Variants in MAP3K15 observed in about 807,000 individuals in gnomAD.
MAP3K15 encodes mitogen-activated protein kinase kinase kinase 15, also known as MAPK/ERK kinase kinase 15.
A neutral mutation model predicts 99.5 loss-of-function variants in MAP3K15; 124 were observed. That is an observed-to-expected ratio of 1.25 (90% CI 1.08 to 1.45). The LOEUF (loss-of-function observed/expected upper bound fraction) is 1.45. Among genes scored for constraint, MAP3K15 ranks in the 40% most tolerant of loss-of-function variants. MAP3K15 has a pLI of 0.00. For missense variants in MAP3K15, 1,242 were observed against 1,079.7 expected, an observed-to-expected ratio of 1.15 and a Z score of -2.11; for synonymous variants, 494 against 439.6, an observed-to-expected ratio of 1.12 and a Z score of -1.55.
chrX:19,414,170 G>A (rs888657428), intron 10 of MAP3K15: 4 of 108,228 alleles, frequency 3.7e-5, no homozygotes, highest in Non-Finnish European at 7.7e-5. Context: ...AAAAAGAGGA[G>A]GGGAAGAGAA....
Position 19,454,717 on chromosome X carries a change from C to T in MAP3K15, c.995+2196G>A, listed in dbSNP as rs111880458. On this transcript the variant is annotated intron_variant, in intron 6 of 28. Transcript: ENST00000338883. ...ATCACTATTTTCCCCTTTACAGATA[C>T]AAAGTAATGCCATAAACTCGCTCAA... is the stretch of plus-strand genomic sequence containing the variant. Among the ~76,000 whole-genome samples the T allele has an allele frequency of 6.5e-3, 734 of 112,100 alleles. 11 individuals carry two copies. The highest frequency in any genetic ancestry group is 0.022 in the African/African-American group (682 of 30,839).
At chrX:19,442,594 A>G (rs1228660422) in intron 6 of MAP3K15, among the ~76,000 whole-genome samples, 11 of 104,129 alleles carry the variant, frequency 1.1e-4, no homozygotes, top group African/African-American at 3.5e-4. Context: ...TGCGATCTCG[A>G]CTCACTGCAA....
At chrX:19,490,442 A>G (rs944888420) in intron 1 of MAP3K15, among the ~76,000 whole-genome samples, 3 of 110,849 alleles carry the variant, frequency 2.7e-5, no homozygotes, top group Non-Finnish European at 5.7e-5. Context: ...TCTACCATCA[A>G]CTTAACAACA....
chrX:19,426,818 CAAAAAAAAA>C (rs746106862), intron 7 of MAP3K15, among the ~76,000 whole-genome samples: 163 of 21,153 alleles, frequency 7.7e-3, no homozygotes, highest in African/African-American at 0.032. Context: ...AATCTGTCTC[CAAAAAAAAA>C]AAAAAAAAAA....
intron 7 of MAP3K15, among the ~76,000 whole-genome samples, chrX:19,427,761 G>T (rs2063843396): frequency 9.0e-6 from 1 of 111,001 alleles, no homozygotes; most frequent in Admixed American, 9.6e-5. Flanking sequence ...TTATGTGATG[G>T]CAAGAGAATT....
At chrX:19,465,137 G>T (rs1449358878) in intron 3 of MAP3K15, among the ~76,000 whole-genome samples, 1 of 110,563 alleles carries the variant, frequency 9.0e-6, no homozygotes, top group Non-Finnish European at 1.9e-5. Flanking sequence ...CAAACAATCC[G>T]CCCACCTCAA....
intron 7 of MAP3K15, among the ~76,000 whole-genome samples, chrX:19,429,810 GA>G (rs1569222610): frequency 4.0e-4 from 36 of 89,479 alleles, no homozygotes; most frequent in African/African-American, 2.1e-3. Context: ...GAGAGAGAGA[GA>G]GAGAGAGAGA....
In MAP3K15 at chrX:19,421,839, C is replaced by T. The variant is rs13305364; in HGVS notation, c.1439+3692G>A. On this transcript the variant is annotated intron_variant, in intron 9 of 28. Transcript: ENST00000338883. ...ACTGGTACCAAAACAGAGATATAGACCAATGGAACAGAACAGAGCCCTCAG... is the reference window on the plus strand; with the variant it reads ...ACTGGTACCAAAACAGAGATATAGATCAATGGAACAGAACAGAGCCCTCAG... 2.4e-3 allele frequency among the ~76,000 whole-genome samples: 259 copies of T among 109,884 alleles called. 1 individual carries two copies. The highest frequency in any genetic ancestry group is 6.8e-3 in the African/African-American group (202 of 29,554).
At chrX:19,383,939 A>C (rs2063476856) in intron 18 of MAP3K15, among the ~76,000 whole-genome samples, 1 of 111,854 alleles carries the variant, frequency 8.9e-6, no homozygotes, top group Non-Finnish European at 1.9e-5. Context: ...GTTCCTCAAA[A>C]ACCTAAAAAT....
Position 19,372,776 on chromosome X carries a change from C to T in MAP3K15, c.2985G>A (p.Pro995=), listed in dbSNP as rs749401360. ...GGAAGAGGCCCTGGTCCCTGTCCTCCGGGGACGAGGCCAAGCCCCGGTCTT... is the reference window on the plus strand; with the variant it reads ...GGAAGAGGCCCTGGTCCCTGTCCTCTGGGGACGAGGCCAAGCCCCGGTCTT... ...ALEDRGLASS[P]EDRDQGLFLL... Residue 995 remains proline, a synonymous_variant, in exon 22 of 29, where the codon CCG becomes CCA. Coordinates refer to ENST00000338883, the MANE Select transcript of MAP3K15 (RefSeq NM_001001671.4). 5.8e-6 allele frequency: 7 copies of T among 1,211,492 alleles called. No individual in the cohort carries two copies. Among genetic ancestry groups the T allele is most frequent in the Middle Eastern group, 2.3e-4 (1 of 4,353 alleles).
rs182603212 is a variant in MAP3K15 at position 19,464,499 on chromosome X, A to G, written c.526-93T>C. On this transcript the variant is annotated intron_variant, in intron 3 of 28. Transcript: ENST00000338883. Reference sequence around the variant, plus strand: ...CGCCTGGTGGGACAGGCATGGAGAAAATACTTGAGGATGAAAACAATTCGT... The same window carrying G: ...CGCCTGGTGGGACAGGCATGGAGAAGATACTTGAGGATGAAAACAATTCGT... 25 of 630,653 alleles carry G rather than the reference A, an allele frequency of 4.0e-5. No homozygotes were observed. The Middle Eastern group carries it at 2.7e-3, about 67-fold the overall frequency. The allele number at this position is 630,653 out of a possible 1,213,427, so 52.0% of individuals were successfully genotyped here.
intron 10 of MAP3K15, chrX:19,414,365 G>A (rs377277293): frequency 4.4e-5 from 10 of 228,510 alleles, no homozygotes; most frequent in Admixed American, 2.8e-4. Context: ...ATTATTAACC[G>A]GCAACAAAAT....
At chrX:19,511,389 C>A (rs944803368) in intron 1 of MAP3K15, among the ~76,000 whole-genome samples, 1 of 111,885 alleles carries the variant, frequency 8.9e-6, no homozygotes, top group Admixed American at 9.5e-5. Flanking sequence ...AGGCAACCTA[C>A]AGAATGGGAG....
intron 1 of MAP3K15, among the ~76,000 whole-genome samples, chrX:19,492,823 C>T (rs1197041741): frequency 3.6e-5 from 4 of 110,439 alleles, no homozygotes; most frequent in African/African-American, 1.3e-4. Context: ...AAAAAATTAG[C>T]TGGGTGTGGG....
Position 19,360,437 on chromosome X carries a change from C to T in MAP3K15, c.*312G>A. The T allele has an allele frequency of 4.4e-6, 1 of 227,546 alleles. No individual in the cohort carries two copies. The highest frequency in any genetic ancestry group is 5.4e-5 in the South Asian group (1 of 18,532). The allele number at this position is 227,546 out of a possible 1,213,427, so 18.8% of individuals were successfully genotyped here. ...GTGTGATCATGGCTCACTGCAGCCT[C>T]CACACCTCCTGGGCTCAAGCAATCC... is the stretch of plus-strand genomic sequence containing the variant. On this transcript the variant is annotated 3_prime_UTR_variant, in exon 29 of 29. Coordinates refer to ENST00000338883, the MANE Select transcript of MAP3K15 (RefSeq NM_001001671.4).
chrX:19,365,119 G>T (rs760466160), intron 25 of MAP3K15, among the ~76,000 whole-genome samples: 2 of 108,147 alleles, frequency 1.8e-5, no homozygotes, highest in East Asian at 5.8e-4. Context: ...TGAGGCAGAA[G>T]AATAGTTCGA....
At chrX:19,508,374 G>A (rs1430255664) in intron 1 of MAP3K15, among the ~76,000 whole-genome samples, 1 of 111,543 alleles carries the variant, frequency 9.0e-6, no homozygotes, top group Non-Finnish European at 1.9e-5. Flanking sequence ...GTTTCGCCAT[G>A]TTGGCCAGGC....
In MAP3K15 at chrX:19,515,194, G is replaced by A; in HGVS notation, c.68C>T (p.Pro23Leu). 2 of 861,445 alleles carry A rather than the reference G, an allele frequency of 2.3e-6. No homozygotes were observed. The highest frequency in any genetic ancestry group is 5.4e-4 in the Middle Eastern group (1 of 1,854). 71.0% of individuals were successfully genotyped at this position (861,445 alleles called of 1,213,427 possible). Residue 23 changes from proline (P) to leucine (L), a missense_variant, in exon 1 of 29, where the codon CCG becomes CTG. Pro to Leu is a moderately conservative substitution (Grantham distance 98, BLOSUM62 -3). Transcript: ENST00000338883. ...LGAASESPQCPPPPGVEGAAG... is the reference protein window; with the variant it reads ...LGAASESPQCLPPPGVEGAAG... ...CGCGCCCTCCACCCCCGGCGGCGGCGGGCACTGAGGGGACTCGCTCGCCGC... is the reference window on the plus strand; with the variant it reads ...CGCGCCCTCCACCCCCGGCGGCGGCAGGCACTGAGGGGACTCGCTCGCCGC...
chrX:19,432,430 C>G (rs766064686), intron 6 of MAP3K15, among the ~76,000 whole-genome samples: 1 of 108,916 alleles, frequency 9.2e-6, no homozygotes, highest in East Asian at 2.9e-4. Flanking sequence ...TGGCAGGCAC[C>G]TGTAGTCCCA....
Sources: allele counts gnomAD v4.1 joint callset (sites outside exome capture counted in the v4.1 genomes callset), GRCh38; gene constraint gnomAD v4.1.1; transcripts MANE v1.5; gene names NCBI Gene and HGNC (gene_info 2026-07-23, HGNC 2026-07-21).